The following PHF3 variants were observed in gnomAD, a reference collection of about 807,000 sequenced individuals.
The protein encoded by PHF3 is PHD finger protein 3.
PHF3 carries 41 observed loss-of-function variants against 178.4 expected under a neutral mutation model. That is an observed-to-expected ratio of 0.23 (90% CI 0.18 to 0.30). The LOEUF (loss-of-function observed/expected upper bound fraction) is 0.30, where lower values mean the gene tolerates loss of function less well. Ranked by LOEUF, PHF3 falls within the 10% of genes least tolerant of loss-of-function variation. PHF3 has a pLI of 1.00. For synonymous variants in PHF3, 842 were observed against 800.5 expected, an observed-to-expected ratio of 1.05 and a Z score of -0.88; for missense variants, 2,346 against 2,398.1, an observed-to-expected ratio of 0.98 and a Z score of 0.45.
chr6:63,713,560 A>T lies in PHF3; in HGVS notation c.5972A>T (p.Asn1991Ile). 2 of 1,613,766 alleles carry T rather than the reference A, an allele frequency of 1.2e-6. No homozygotes were observed. The highest frequency in any genetic ancestry group is 1.7e-6 in the Non-Finnish European group (2 of 1,179,906). ...GGAAAAGCAAGCAGAGATAGTAGGA[A>T]TGTAGACAAGAAGCCAGATAAACCT... ...TDGKASRDSR[N>I]VDKKPDKPKS... is the part of the protein sequence containing the mutation. Residue 1991 changes from asparagine to isoleucine, a missense_variant, in exon 16 of 16, where the codon AAT becomes ATT. Asn to Ile is a moderately radical substitution (Grantham distance 149, BLOSUM62 -3). Coordinates refer to ENST00000262043, the MANE Select transcript of PHF3 (RefSeq NM_001370348.2).
intron 2 of PHF3, among the ~76,000 whole-genome samples, chr6:63,662,131 G>A (rs541254600): frequency 1.3e-5 from 2 of 152,188 alleles, no homozygotes; most frequent in African/African-American, 2.4e-5. Flanking sequence ...GTGATGATCT[G>A]AGGTGGAACA....
intron 1 of PHF3, among the ~76,000 whole-genome samples, chr6:63,641,920 G>A (rs1475969289): frequency 6.6e-6 from 1 of 152,050 alleles, no homozygotes; most frequent in Non-Finnish European, 1.5e-5. Context: ...GAGCCATGGC[G>A]CCCGGCCTAA....
At chr6:63,706,662 T>C (rs1201527631) in intron 12 of PHF3, 67 bp from the exon 13 acceptor site, 3 of 1,475,690 alleles carry the variant, frequency 2.0e-6, no homozygotes, top group Non-Finnish European at 1.8e-6. Context: ...TACGAGTAAC[T>C]GATGACTAGG....
chr6:63,646,368 A>G (rs1467889183), intron 1 of PHF3, among the ~76,000 whole-genome samples, 159 bp from the exon 2 acceptor site: 1 of 152,178 alleles, frequency 6.6e-6, no homozygotes, highest in African/African-American at 2.4e-5. Flanking sequence ...ACATTTCCAA[A>G]TGTATATTCT....
At chr6:63,641,566 G>T (rs1361867954) in intron 1 of PHF3, among the ~76,000 whole-genome samples, 7 of 137,636 alleles carry the variant, frequency 5.1e-5, no homozygotes, top group Admixed American at 4.5e-4. Flanking sequence ...GTGTGTGTGT[G>T]TGTTTTAGGA....
At position 63,711,215 on chromosome 6, in the gene PHF3, T is replaced by G; in HGVS notation, c.3850T>G (p.Ser1284Ala). The change falls in exon 15 of 16, where the codon TCT (serine) becomes GCT (alanine). Residue 1284 changes from serine (S) to alanine (A), a missense_variant. Transcript: ENST00000262043. Reference sequence around the variant, plus strand: ...ACCAGTAACTGAAGAAGATCAAATTTCTTATACTTTGCTCTTTGCATACTT... The same window carrying G: ...ACCAGTAACTGAAGAAGATCAAATTGCTTATACTTTGCTCTTTGCATACTT... ...FTPVTEEDQI[S>A]YTLLFAYFSS... The G allele has an allele frequency of 6.2e-7, 1 of 1,611,198 alleles. No homozygotes were observed. Among genetic ancestry groups the G allele is most frequent in the Non-Finnish European group, 8.5e-7 (1 of 1,179,034 alleles).
chr6:63,650,095 G>A (rs150684035), intron 2 of PHF3, among the ~76,000 whole-genome samples: 442 of 152,284 alleles, frequency 2.9e-3, no homozygotes, highest in African/African-American at 0.01. Context: ...TAAATGTTCA[G>A]TGGCTGTAAG....
rs1048299864 is a variant in PHF3, at chr6:63,722,775, G to T, written c.*9067G>T. Among the ~76,000 whole-genome samples the T allele has an allele frequency of 4.6e-5, 7 of 152,014 alleles. No individual in the cohort carries two copies. Among genetic ancestry groups the T allele is most frequent in the Non-Finnish European group, 1.0e-4 (7 of 68,000 alleles). On this transcript the variant is annotated 3_prime_UTR_variant, in exon 16 of 16. Transcript: ENST00000262043. ...TTTCCACACCTCCCTCCTGCAAATG[G>T]TGTTCTTTCCTTCTATTCTCCATTG...
intron 2 of PHF3, among the ~76,000 whole-genome samples, chr6:63,675,730 C>A (rs1407599930): frequency 6.6e-6 from 1 of 152,154 alleles, no homozygotes; most frequent in Non-Finnish European, 1.5e-5. Context: ...AATGATAGAA[C>A]CTCAAGTCAT....
In PHF3 at chr6:63,724,485, T is replaced by C. The variant is rs1768537039; in HGVS notation, c.*10777T>C. ...CTTCACATTGCAATGACTAGGCCTTTTTATACACGTTGGGAGGATTATAAC... is the reference window on the plus strand; with the variant it reads ...CTTCACATTGCAATGACTAGGCCTTCTTATACACGTTGGGAGGATTATAAC... On this transcript the variant is annotated 3_prime_UTR_variant, in exon 16 of 16. Transcript: ENST00000262043. 6.6e-6 allele frequency among the ~76,000 whole-genome samples: 1 copy of C among 152,200 alleles called. No homozygotes were observed.
chr6:63,665,764 C>T (rs1334582243), intron 2 of PHF3, among the ~76,000 whole-genome samples: 2 of 152,132 alleles, frequency 1.3e-5, no homozygotes, highest in African/African-American at 4.8e-5. Context: ...GCTAGGATTA[C>T]AGGCATGAGC....
rs936960136 is a variant in PHF3 at position 63,674,256 on chromosome 6, T to A, written c.245-5744T>A. ...ATATTTTATATTTTTGGAGAGACAT[T>A]TGATGATATCTAAGAGTAAAAATGA... is the stretch of plus-strand genomic sequence containing the variant. On this transcript the variant is annotated intron_variant, in intron 2 of 15. Coordinates refer to ENST00000262043, the MANE Select transcript of PHF3 (RefSeq NM_001370348.2). Among the ~76,000 whole-genome samples, 14 of 4,272 alleles carry A rather than the reference T, an allele frequency of 3.3e-3. No individual in the cohort carries two copies. In the East Asian group the frequency reaches 0.053, roughly 16 times the overall value. 2.8% of individuals were successfully genotyped at this position (4,272 alleles called of 152,430 possible).
In PHF3 at chr6:63,716,392, C is replaced by G. The variant is rs771828817; in HGVS notation, c.*2684C>G. ...GCGTTCCACTGAACTGTCTGAAACCCTTCACTGAGCAACCCAACTGTTCAG... is the reference window on the plus strand; with the variant it reads ...GCGTTCCACTGAACTGTCTGAAACCGTTCACTGAGCAACCCAACTGTTCAG... On this transcript the variant is annotated 3_prime_UTR_variant, in exon 16 of 16. Coordinates refer to ENST00000262043, the MANE Select transcript of PHF3 (RefSeq NM_001370348.2). Among the ~76,000 whole-genome samples the G allele has an allele frequency of 1.3e-5, 2 of 152,142 alleles. No individual in the cohort carries two copies. Among genetic ancestry groups the G allele is most frequent in the Non-Finnish European group, 2.9e-5 (2 of 68,010 alleles).
intron 10 of PHF3, 55 bp from the exon 11 acceptor site, chr6:63,703,481 T>C (rs1393949636): frequency 1.3e-6 from 2 of 1,545,000 alleles, no homozygotes; most frequent in African/African-American, 2.8e-5. Context: ...TTGATTTTGA[T>C]AATTGAGGCC....
At chr6:63,688,626 C>T (rs1052790685) in intron 4 of PHF3, among the ~76,000 whole-genome samples, 7 of 151,932 alleles carry the variant, frequency 4.6e-5, no homozygotes, top group African/African-American at 7.2e-5. Flanking sequence ...CAAGCCATGG[C>T]GCCCAGCTGA....
chr6:63,653,573 C>A (rs1765110966), intron 2 of PHF3, among the ~76,000 whole-genome samples: 1 of 152,054 alleles, frequency 6.6e-6, no homozygotes, highest in Admixed American at 6.6e-5. Context: ...TTTATAAGTT[C>A]TAACAGTGCA....
chr6:63,711,744 G>C lies in PHF3; in HGVS notation c.4156G>C (p.Val1386Leu). 1 of 1,613,656 alleles carries C rather than the reference G, an allele frequency of 6.2e-7. No homozygotes were observed. The highest frequency in any genetic ancestry group is 8.5e-7 in the Non-Finnish European group (1 of 1,179,840). The change falls in exon 16 of 16, where the codon GTT (valine) becomes CTT (leucine). Residue 1386 changes from valine (V) to leucine (L), a missense_variant. By Grantham distance (32) the Val-to-Leu change is conservative (BLOSUM62 1). This residue lies in a region of PHF3 where 839 missense variants were observed against 806.9 expected (regional missense o/e 1.04). Coordinates refer to ENST00000262043, the MANE Select transcript of PHF3 (RefSeq NM_001370348.2). ...LPPDKKSKIE[V>L]STEEAPEEEN... ...ACCTGATAAAAAAAGTAAAATAGAAGTTTCTACAGAAGAAGCACCAGAGGA... is the reference window on the plus strand; with the variant it reads ...ACCTGATAAAAAAAGTAAAATAGAACTTTCTACAGAAGAAGCACCAGAGGA...
intron 2 of PHF3, among the ~76,000 whole-genome samples, chr6:63,658,708 TTGTGTGTGTG>T (rs3071174): frequency 0.011 from 1,659 of 145,272 alleles, 28 homozygotes; most frequent in Admixed American, 0.035. Flanking sequence ...CCAATAGATT[TTGTGTGTGTG>T]TGTGTGTGTG....
At chr6:63,639,981 C>G (rs112580752) in intron 1 of PHF3, among the ~76,000 whole-genome samples, 48 of 152,294 alleles carry the variant, frequency 3.2e-4, no homozygotes, top group Middle Eastern at 6.8e-3. Context: ...TCTGTGTTTG[C>G]CAGTTTCAAC....
Sources: gnomAD v4.1 joint callset for allele counts (sites outside exome capture counted in the v4.1 genomes callset) on GRCh38, gnomAD v4.1.1 for gene constraint, gnomAD v4.1.1 regional missense constraint, MANE v1.5 for transcripts, NCBI Gene and HGNC (gene_info 2026-07-23, HGNC 2026-07-21) for gene names.